GAREM1: variants seen among roughly 807,000 people sequenced by gnomAD.
The protein encoded by GAREM1 is GRB2 associated regulator of MAPK1 subtype 1.
In GAREM1, 26 loss-of-function variants were observed where a neutral mutation model predicts 71.3. The observed-to-expected ratio is 0.36, with a 90% confidence interval of 0.27 to 0.51. The LOEUF (loss-of-function observed/expected upper bound fraction) is 0.51, where lower values mean the gene tolerates loss of function less well. Ranked by LOEUF, GAREM1 falls within the 20% of genes least tolerant of loss-of-function variation. GAREM1 has a pLI of 0.95. For missense variants in GAREM1, 1,026 were observed against 1,103.1 expected (o/e 0.93, Z 0.99); for synonymous variants, 440 against 433.2 (o/e 1.02, Z -0.20).
chr18:32,470,843 G>A lies in GAREM1; in HGVS notation c.-415C>T, dbSNP rs535267299. On this transcript the variant is annotated 5_prime_UTR_variant, in exon 1 of 6. Transcript: ENST00000269209. The surrounding 1 kb of genome is among the most constrained non-coding windows in gnomAD (Gnocchi z 4.4). Reference sequence around the variant, plus strand: ...CCTCGAGCGTGTGAGGAGGAGCCGCGGGTCTGAGAAACGCCATAGCAGCGC... The same window carrying A: ...CCTCGAGCGTGTGAGGAGGAGCCGCAGGTCTGAGAAACGCCATAGCAGCGC... 1.1e-4 allele frequency among the ~76,000 whole-genome samples: 16 copies of A among 150,528 alleles called. No individual in the cohort carries two copies. Among genetic ancestry groups the A allele is most frequent in the African/African-American group, 3.9e-4 (16 of 41,324 alleles).
intron 1 of GAREM1, among the ~76,000 whole-genome samples, chr18:32,422,608 A>C (rs1462263682): frequency 6.6e-6 from 1 of 152,204 alleles, no homozygotes; most frequent in African/African-American, 2.4e-5. Context: ...TTACTAAGGA[A>C]CACTATTTAT....
intron 2 of GAREM1, among the ~76,000 whole-genome samples, chr18:32,325,933 T>A (rs2047471103): frequency 6.6e-6 from 1 of 152,194 alleles, no homozygotes; most frequent in Admixed American, 6.5e-5. Context: ...AGCATGTATG[T>A]CAGAGAGAAG....
intron 2 of GAREM1, among the ~76,000 whole-genome samples, chr18:32,318,636 C>G (rs569507983): frequency 2.6e-5 from 4 of 152,214 alleles, no homozygotes; most frequent in South Asian, 2.1e-4. Context: ...GTGTGCCTCA[C>G]TGTTCGCCAT....
intron 2 of GAREM1, among the ~76,000 whole-genome samples, chr18:32,391,142 G>A (rs1024752088): frequency 6.6e-6 from 1 of 152,180 alleles, no homozygotes; most frequent in South Asian, 2.1e-4. Flanking sequence ...GTGGGGCTGC[G>A]GAGGACGGCT....
intron 2 of GAREM1, among the ~76,000 whole-genome samples, chr18:32,337,276 G>C (rs1019842315): frequency 1.3e-5 from 2 of 152,192 alleles, no homozygotes; most frequent in African/African-American, 4.8e-5. Flanking sequence ...CAATTTTCTT[G>C]TGAAAGACCA....
chr18:32,274,198 G>A (rs1048779446), intron 4 of GAREM1, among the ~76,000 whole-genome samples: 5 of 152,150 alleles, frequency 3.3e-5, no homozygotes, highest in African/African-American at 4.8e-5. Context: ...GGCTGTATGC[G>A]TTCTGGGATT....
intron 1 of GAREM1, among the ~76,000 whole-genome samples, chr18:32,416,341 T>C (rs2144690643): frequency 6.6e-6 from 1 of 152,262 alleles, no homozygotes. Context: ...AATACCAATG[T>C]CATTCTTCAC....
At chr18:32,270,905 T>TTTG (rs1283153466) in intron 4 of GAREM1, among the ~76,000 whole-genome samples, 1 of 141,986 alleles carries the variant, frequency 7.0e-6, no homozygotes, top group East Asian at 2.0e-4. Flanking sequence ...ATGTTTTTTT[T>TTTG]TTTTTTTTTT....
chr18:32,366,415 G>A (rs1449584653), intron 2 of GAREM1, among the ~76,000 whole-genome samples: 4 of 152,126 alleles, frequency 2.6e-5, no homozygotes, highest in African/African-American at 9.7e-5. Context: ...TCTGCTGCAG[G>A]AATGAATTCA....
chr18:32,384,590 A>T (rs1310234825), intron 2 of GAREM1, among the ~76,000 whole-genome samples: 1 of 152,182 alleles, frequency 6.6e-6, no homozygotes, highest in Non-Finnish European at 1.5e-5. Flanking sequence ...CTTTTGCTCG[A>T]GCATTTTATA....
chr18:32,457,011 T>C (rs965351767), intron 1 of GAREM1, among the ~76,000 whole-genome samples: 10 of 152,082 alleles, frequency 6.6e-5, no homozygotes, highest in African/African-American at 2.4e-4. Context: ...TGTAGGATTC[T>C]GTGAGTATGA....
At chr18:32,439,054 G>A (rs1435409160) in intron 1 of GAREM1, among the ~76,000 whole-genome samples, 1 of 152,146 alleles carries the variant, frequency 6.6e-6, no homozygotes, top group Non-Finnish European at 1.5e-5. Flanking sequence ...TCACTCCGTT[G>A]CTCTAATTGC....
At position 32,335,608 on chromosome 18, in the gene GAREM1, A is replaced by G. The variant is rs527754557; in HGVS notation, c.263-25285T>C. On this transcript the variant is annotated intron_variant, in intron 2 of 5. Transcript: ENST00000269209. ...TGTTCAATTACCTCAGGACTCCTTC[A>G]ATACCCACTGCAGATTTAATGAGTT... Among the ~76,000 whole-genome samples, 5 of 152,314 alleles carry G rather than the reference A, an allele frequency of 3.3e-5. No individual in the cohort carries two copies. The East Asian group carries it at 5.8e-4, about 18-fold the overall frequency.
intron 4 of GAREM1, among the ~76,000 whole-genome samples, chr18:32,271,977 T>C (rs2041469458): frequency 6.6e-6 from 1 of 152,224 alleles, no homozygotes; most frequent in African/African-American, 2.4e-5. Flanking sequence ...CTGTCAAAAA[T>C]GCTATGCTTT....
chr18:32,373,981 C>T lies in GAREM1; in HGVS notation c.262+18914G>A, dbSNP rs535320857. 1.3e-3 allele frequency among the ~76,000 whole-genome samples: 194 copies of T among 152,316 alleles called. 1 individual carries two copies. The highest frequency in any genetic ancestry group is 4.5e-3 in the African/African-American group (186 of 41,568). On this transcript the variant is annotated intron_variant, in intron 2 of 5. Coordinates refer to ENST00000269209, the MANE Select transcript of GAREM1 (RefSeq NM_001242409.2). ...AGATTTCACTTTGCCAATACACTCC[C>T]TGGGAGCTTTGAATGCTTAAAATCT...
chr18:32,400,506 G>A (rs1190874067), intron 1 of GAREM1, among the ~76,000 whole-genome samples: 1 of 152,170 alleles, frequency 6.6e-6, no homozygotes, highest in Non-Finnish European at 1.5e-5. Context: ...ATCAACAAGT[G>A]GGTGAAGGAT....
At chr18:32,321,268 T>C (rs1174562249) in intron 2 of GAREM1, among the ~76,000 whole-genome samples, 1 of 152,236 alleles carries the variant, frequency 6.6e-6, no homozygotes, top group African/African-American at 2.4e-5. Context: ...ACTTAGCTTA[T>C]GCAAACATTT....
At chr18:32,435,669 G>C (rs1181160461) in intron 1 of GAREM1, among the ~76,000 whole-genome samples, 1 of 152,106 alleles carries the variant, frequency 6.6e-6, no homozygotes, top group Non-Finnish European at 1.5e-5. Flanking sequence ...AGAAAATGTT[G>C]TTATGTGATA....
chr18:32,339,094 A>G (rs1598972239), intron 2 of GAREM1, among the ~76,000 whole-genome samples: 1 of 152,174 alleles, frequency 6.6e-6, no homozygotes, highest in East Asian at 1.9e-4. Context: ...AATTCCTTAA[A>G]GTAAATCTCC....
Sources: allele counts gnomAD v4.1 joint callset (sites outside exome capture counted in the v4.1 genomes callset), GRCh38; gene constraint gnomAD v4.1.1; non-coding constraint Gnocchi (gnomAD v3.1); transcripts MANE v1.5; gene names NCBI Gene and HGNC (gene_info 2026-07-23, HGNC 2026-07-21).